The following TNKS variants were observed in gnomAD, a reference collection of about 807,000 sequenced individuals.
The protein encoded by TNKS is poly [ADP-ribose] polymerase tankyrase-1.
A neutral mutation model predicts 135.8 loss-of-function variants in TNKS; 72 were observed. The ratio of observed to expected loss-of-function variants is 0.53; its 90% CI spans 0.44 to 0.64. The LOEUF (loss-of-function observed/expected upper bound fraction) is 0.64. TNKS is among the 30% of genes least tolerant of loss of function. The pLI is 0.00. For missense variants in TNKS, 1,769 were observed against 1,674.0 expected (o/e 1.06, Z -0.99); for synonymous variants, 849 against 649.3 (o/e 1.31, Z -4.68).
At chr8:9,640,335 C>T (rs200868462) in intron 3 of TNKS, among the ~76,000 whole-genome samples, 14,245 of 139,848 alleles carry the variant, frequency 0.1, 978 homozygotes, top group Admixed American at 0.17. Flanking sequence ...TTCATGAGAG[C>T]GGAGCCCTCA....
In TNKS at chr8:9,706,267, AG is replaced by A; in HGVS notation, c.1269+15del. ...CTGCTACTAAAGGTAAGAGAAATTC[AG>A]AATATTGAGCATCATTTACTTTTTT... On this transcript the variant is annotated intron_variant, in intron 7 of 26. Coordinates refer to ENST00000310430, the MANE Select transcript of TNKS (RefSeq NM_003747.3). The A allele has an allele frequency of 6.5e-7, 1 of 1,540,242 alleles. No individual in the cohort carries two copies. Among genetic ancestry groups the A allele is most frequent in the Non-Finnish European group, 8.7e-7 (1 of 1,145,390 alleles).
At chr8:9,766,997 T>TG (rs1807488538) in intron 25 of TNKS, among the ~76,000 whole-genome samples, 1 of 152,208 alleles carries the variant, frequency 6.6e-6, no homozygotes, top group Non-Finnish European at 1.5e-5. Flanking sequence ...GCTTTCTCCC[T>TG]GGGCTTCACT....
rs564165885 is a variant in TNKS at position 9,661,921 on chromosome 8, C to T, written c.995-18030C>T. ...ACAAACAACCCCATCACAAAGTGGG[C>T]AAAGGGTATGAACAGACACTTCTCA... is the stretch of plus-strand genomic sequence containing the variant. On this transcript the variant is annotated intron_variant, in intron 3 of 26. Transcript: ENST00000310430. Among the ~76,000 whole-genome samples the T allele has an allele frequency of 1.2e-4, 18 of 152,266 alleles. No individual in the cohort carries two copies. The South Asian group carries it at 3.7e-3, about 32-fold the overall frequency.
intron 3 of TNKS, among the ~76,000 whole-genome samples, chr8:9,632,107 A>G (rs1045389842): frequency 2.0e-5 from 3 of 152,216 alleles, no homozygotes; most frequent in Non-Finnish European, 4.4e-5. Flanking sequence ...ATAAGTAGAA[A>G]GATGCCAGAC....
chr8:9,640,138 A>C (rs1206423907), intron 3 of TNKS, among the ~76,000 whole-genome samples: 1 of 152,220 alleles, frequency 6.6e-6, no homozygotes, highest in African/African-American at 2.4e-5. Context: ...AAGGAAATCC[A>C]TTTTGTGTTG....
rs1808333030 is a variant in TNKS, at chr8:9,778,594, C to T, written c.*1858C>T. On this transcript the variant is annotated 3_prime_UTR_variant, in exon 27 of 27. Transcript: ENST00000310430. ...TCTTTTGAAGTTTCAGTGACCCAAGCTGGGTGTTTGTGTCTTGGCTACTTG... is the reference window on the plus strand; with the variant it reads ...TCTTTTGAAGTTTCAGTGACCCAAGTTGGGTGTTTGTGTCTTGGCTACTTG... 1 of 152,602 alleles carries T rather than the reference C, an allele frequency of 6.6e-6. No individual in the cohort carries two copies. The highest frequency in any genetic ancestry group is 2.4e-5 in the African/African-American group (1 of 41,424). 9.5% of individuals were successfully genotyped at this position (152,602 alleles called of 1,614,324 possible). A position where few individuals can be genotyped will look rare whatever the true frequency, so the allele number is the denominator to read the frequency against.
chr8:9,659,724 A>G (rs1051073306), intron 3 of TNKS, among the ~76,000 whole-genome samples: 2 of 152,246 alleles, frequency 1.3e-5, no homozygotes, highest in Non-Finnish European at 2.9e-5. Flanking sequence ...AAGGCAAGAA[A>G]TAAGTAAGAT....
intron 9 of TNKS, among the ~76,000 whole-genome samples, chr8:9,708,726 C>T (rs1033251667): frequency 3.3e-5 from 5 of 151,878 alleles, no homozygotes; most frequent in African/African-American, 7.3e-5. Context: ...CTTTGTCTTC[C>T]CCACCTCATT....
At chr8:9,632,862 T>C (rs1800349585) in intron 3 of TNKS, among the ~76,000 whole-genome samples, 1 of 152,180 alleles carries the variant, frequency 6.6e-6, no homozygotes, top group Non-Finnish European at 1.5e-5. Context: ...CCCGAGTAGC[T>C]GGGACTACAG....
chr8:9,576,444 C>T (rs1266586865), intron 1 of TNKS, among the ~76,000 whole-genome samples: 6 of 147,082 alleles, frequency 4.1e-5, no homozygotes, highest in South Asian at 2.2e-4. Flanking sequence ...CAGCAGAAAG[C>T]GGGAGGTGCC....
At chr8:9,681,318 A>G (rs1802773120) in intron 5 of TNKS, among the ~76,000 whole-genome samples, 1 of 152,142 alleles carries the variant, frequency 6.6e-6, no homozygotes, top group African/African-American at 2.4e-5. Context: ...TGGAATATTG[A>G]AAGAAAATAG....
intron 24 of TNKS, 141 bp downstream of exon 24, chr8:9,765,938 C>A: frequency 1.5e-6 from 1 of 685,014 alleles, no homozygotes. Context: ...ATAATTACTT[C>A]TTGGTACCAG....
intron 16 of TNKS, 39 bp downstream of exon 16, chr8:9,735,123 C>T: frequency 2.5e-6 from 4 of 1,582,934 alleles, no homozygotes; most frequent in Non-Finnish European, 3.4e-6. Flanking sequence ...CTTTTCCTTT[C>T]TCGGACACCT....
intron 5 of TNKS, among the ~76,000 whole-genome samples, chr8:9,694,274 T>A (rs548742545): frequency 4.6e-4 from 70 of 152,276 alleles, no homozygotes; most frequent in East Asian, 1.7e-3. Flanking sequence ...TTCTTTTTTT[T>A]AAAAAATACC....
chr8:9,568,028 A>G (rs1258566326), intron 1 of TNKS, among the ~76,000 whole-genome samples: 2 of 152,204 alleles, frequency 1.3e-5, no homozygotes, highest in African/African-American at 4.8e-5. Flanking sequence ...CGAAATATGG[A>G]AAATAGTATA....
chr8:9,585,436 A>C (rs1798337393), intron 2 of TNKS, among the ~76,000 whole-genome samples: 1 of 152,342 alleles, frequency 6.6e-6, no homozygotes, highest in Non-Finnish European at 1.5e-5. Context: ...GAGATTGAAA[A>C]GGCTCAGGGA....
intron 26 of TNKS, among the ~76,000 whole-genome samples, chr8:9,771,366 GGA>G (rs1807843421): frequency 8.2e-6 from 1 of 121,920 alleles, no homozygotes; most frequent in African/African-American, 3.0e-5. Context: ...GAGAGAGAGA[GGA>G]AGGGAGGGAG....
At chr8:9,636,171 A>G (rs1419998996) in intron 3 of TNKS, among the ~76,000 whole-genome samples, 1 of 152,220 alleles carries the variant, frequency 6.6e-6, no homozygotes, top group Non-Finnish European at 1.5e-5. Context: ...AAGCGAGAGG[A>G]TATAAAGCAC....
intron 3 of TNKS, among the ~76,000 whole-genome samples, chr8:9,620,398 C>G (rs185248969): frequency 3.7e-4 from 56 of 152,264 alleles, no homozygotes; most frequent in African/African-American, 1.1e-3. Flanking sequence ...ACAGCAGTAG[C>G]CTCATAATGG....
Sources: allele counts gnomAD v4.1 joint callset (sites outside exome capture counted in the v4.1 genomes callset), GRCh38; gene constraint gnomAD v4.1.1; transcripts MANE v1.5; gene names NCBI Gene and HGNC (gene_info 2026-07-23, HGNC 2026-07-21).